Variants in VDAC2 observed in about 807,000 individuals in gnomAD.
VDAC2 encodes the protein voltage dependent anion channel 2.
In VDAC2, 6 loss-of-function variants were observed where a neutral mutation model predicts 36.6. That is an observed-to-expected ratio of 0.16 (90% CI 0.09 to 0.32). The LOEUF (loss-of-function observed/expected upper bound fraction) is 0.32. VDAC2 is among the 10% of genes least tolerant of loss of function. The pLI is 1.00. For synonymous variants in VDAC2, 109 were observed against 123.8 expected, an observed-to-expected ratio of 0.88 and a Z score of 0.79; for missense variants, 247 against 346.0, an observed-to-expected ratio of 0.71 and a Z score of 2.27.
intron 3 of VDAC2, among the ~76,000 whole-genome samples, chr10:75,212,504 TG>T (rs1841457547): frequency 6.6e-6 from 1 of 152,132 alleles, no homozygotes; most frequent in Admixed American, 6.5e-5. Context: ...CTGGACCTCC[TG>T]GGCTCAAGCG....
intron 8 of VDAC2, among the ~76,000 whole-genome samples, chr10:75,227,377 G>C (rs912880393): frequency 7.2e-5 from 11 of 152,112 alleles, no homozygotes; most frequent in Non-Finnish European, 1.6e-4. Flanking sequence ...GAACCTGTGT[G>C]ATCCGATGCT....
intron 8 of VDAC2, among the ~76,000 whole-genome samples, chr10:75,223,618 C>T (rs780611755): frequency 4.1e-4 from 63 of 152,198 alleles, no homozygotes; most frequent in Non-Finnish European, 7.8e-4. Flanking sequence ...CTCCTTCCCT[C>T]TCCTGGCATA....
Position 75,219,303 on chromosome 10 carries a change from G to C in VDAC2, c.304-1G>C, listed in dbSNP as rs1231391373. 1 of 1,594,008 alleles carries C rather than the reference G, an allele frequency of 6.3e-7. No homozygotes were observed. The highest frequency in any genetic ancestry group is 8.5e-7 in the Non-Finnish European group (1 of 1,171,848). On this transcript the variant is annotated splice_acceptor_variant, in intron 5 of 9. Transcript: ENST00000332211. LOFTEE classifies it high-confidence loss of function. ...AACAAATTACTTTTCTTTCAAAATA[G>C]ATTTGTCAAGGTTTGAAACTGACAT... is the stretch of plus-strand genomic sequence containing the variant.
intron 3 of VDAC2, 24 bp from the exon 4 acceptor site, chr10:75,213,997 T>A: frequency 6.2e-7 from 1 of 1,612,154 alleles, no homozygotes; most frequent in Non-Finnish European, 8.5e-7. Flanking sequence ...TCATTTTGTT[T>A]CTTTTGCTGT....
intron 2 of VDAC2, chr10:75,211,619 T>TA (rs1470166784): frequency 1.9e-6 from 3 of 1,550,590 alleles, no homozygotes; most frequent in Non-Finnish European, 2.6e-6. Flanking sequence ...TGCCTGCCCT[T>TA]AAGCAGCACA....
At chr10:75,216,199 C>A (rs1841599922) in intron 4 of VDAC2, among the ~76,000 whole-genome samples, 1 of 152,078 alleles carries the variant, frequency 6.6e-6, no homozygotes, top group African/African-American at 2.4e-5. Context: ...TATTGAGGCC[C>A]CTAGTGTATT....
At chr10:75,224,891 A>C (rs1841910392) in intron 8 of VDAC2, among the ~76,000 whole-genome samples, 1 of 152,222 alleles carries the variant, frequency 6.6e-6, no homozygotes, top group Non-Finnish European at 1.5e-5. Flanking sequence ...GGCAGTAGTC[A>C]GGCTTATTAA....
At chr10:75,218,762 A>G (rs79168376) in intron 4 of VDAC2, among the ~76,000 whole-genome samples, 1 of 140,414 alleles carries the variant, frequency 7.1e-6, no homozygotes, top group Non-Finnish European at 1.5e-5. Flanking sequence ...CTCTGTCTCA[A>G]AAAAAAAAAA....
intron 4 of VDAC2, among the ~76,000 whole-genome samples, chr10:75,214,274 A>G (rs1006821714): frequency 6.6e-6 from 1 of 152,202 alleles, no homozygotes; most frequent in Non-Finnish European, 1.5e-5. Context: ...CATATTATGT[A>G]TGCACAAGGA....
Position 75,217,996 on chromosome 10 carries a change from G to A in VDAC2, c.151-1067G>A, listed in dbSNP as rs1334747534. 5 of 1,226,036 alleles carry A rather than the reference G, an allele frequency of 4.1e-6. No individual in the cohort carries two copies. In the African/African-American group the frequency reaches 4.7e-5, roughly 11 times the overall value. The allele number at this position is 1,226,036 out of a possible 1,614,324, so 75.9% of individuals were successfully genotyped here. ...CCAGCTACTCAGGAGGCTGAGGTAC[G>A]TGGATCACTTGAGCCTGGGAGGTTG... On this transcript the variant is annotated intron_variant, in intron 4 of 9. Transcript: ENST00000332211.
At chr10:75,211,700 A>G (rs1436995080) in intron 2 of VDAC2, 8 of 1,547,666 alleles carry the variant, frequency 5.2e-6, no homozygotes, top group Non-Finnish European at 7.0e-6. Context: ...TGATGTAGAC[A>G]TTTGAGTGAA....
intron 4 of VDAC2, among the ~76,000 whole-genome samples, chr10:75,216,803 C>T (rs1841620053): frequency 1.3e-5 from 2 of 152,204 alleles, no homozygotes; most frequent in Non-Finnish European, 2.9e-5. Context: ...ACACATTCCC[C>T]ATTCAAACTG....
chr10:75,229,015 A>C (rs190045972), intron 8 of VDAC2, among the ~76,000 whole-genome samples: 1 of 152,248 alleles, frequency 6.6e-6, no homozygotes. Flanking sequence ...GGATTGGTAC[A>C]TGATACCTCA....
At chr10:75,220,513 C>G (rs1374257747) in intron 6 of VDAC2, among the ~76,000 whole-genome samples, 1 of 151,984 alleles carries the variant, frequency 6.6e-6, no homozygotes, top group Non-Finnish European at 1.5e-5. Flanking sequence ...TTCTAACAGG[C>G]TTTTGTGACT....
chr10:75,211,082 CTCCCTTTG>C, intron 1 of VDAC2, 44 bp from the exon 2 acceptor site: 14 of 1,508,386 alleles, frequency 9.3e-6, no homozygotes, highest in African/African-American at 1.4e-5. Flanking sequence ...TGCCCGGGAT[CTCCCTTTG>C]GCCCTTTGAC....
intron 4 of VDAC2, among the ~76,000 whole-genome samples, chr10:75,216,974 G>A (rs1447939643): frequency 2.6e-5 from 4 of 152,282 alleles, no homozygotes; most frequent in African/African-American, 9.6e-5. Context: ...GTTAAGTGAG[G>A]CTGGTCACAG....
chr10:75,217,816 T>A, intron 4 of VDAC2: 2 of 915,446 alleles, frequency 2.2e-6, no homozygotes, highest in Non-Finnish European at 3.0e-6. Context: ...ATACAAATGT[T>A]CTATTTTCTG....
At chr10:75,214,251 TGTG>T (rs1589998886) in intron 4 of VDAC2, among the ~76,000 whole-genome samples, 181 bp downstream of exon 4, 2 of 152,238 alleles carry the variant, frequency 1.3e-5, no homozygotes, top group African/African-American at 4.8e-5. Flanking sequence ...CTGATTTTCA[TGTG>T]GTCTTTCGTC....
chr10:75,212,754 G>T (rs1436935110), intron 3 of VDAC2, among the ~76,000 whole-genome samples: 1 of 152,048 alleles, frequency 6.6e-6, no homozygotes, highest in African/African-American at 2.4e-5. Context: ...TGTGAAAATA[G>T]TTCTTTTACA....
Sources: allele counts gnomAD v4.1 joint callset (sites outside exome capture counted in the v4.1 genomes callset), GRCh38; gene constraint gnomAD v4.1.1; transcripts MANE v1.5; gene names NCBI Gene and HGNC (gene_info 2026-07-23, HGNC 2026-07-21).